The following NTAQ1 variants were observed in gnomAD, a reference collection of about 807,000 sequenced individuals.
NTAQ1 encodes the protein N-terminal glutamine amidase 1.
Under a neutral mutation model 28.2 loss-of-function variants are expected in NTAQ1, and 21 were observed. The ratio of observed to expected loss-of-function variants is 0.74; its 90% confidence interval spans 0.53 to 1.07. The LOEUF (loss-of-function observed/expected upper bound fraction) is 1.07, where lower values mean the gene tolerates loss of function less well. Among genes scored for constraint, NTAQ1 ranks in the 50% least tolerant of loss-of-function variants. The pLI is 0.00. For missense variants in NTAQ1, 264 were observed against 256.6 expected (o/e 1.03, Z -0.20); for synonymous variants, 105 against 90.0 (o/e 1.17, Z -0.94).
chr8:123,460,477 C>T (rs1374775400), intron 6 of NTAQ1, among the ~76,000 whole-genome samples: 1 of 152,138 alleles, frequency 6.6e-6, no homozygotes, highest in African/African-American at 2.4e-5. Flanking sequence ...GCTTCTTGTG[C>T]TGGTCTTGGG....
At chr8:123,425,030 T>C (rs1301572894) in intron 1 of NTAQ1, among the ~76,000 whole-genome samples, 1 of 152,160 alleles carries the variant, frequency 6.6e-6, no homozygotes, top group Non-Finnish European at 1.5e-5. Flanking sequence ...TTAGAACATT[T>C]AGATTAAGGA....
At chr8:123,443,621 C>T (rs1194811785), downstream of NTAQ1, among the ~76,000 whole-genome samples, 2 of 152,202 alleles carry the variant, frequency 1.3e-5, no homozygotes, top group Non-Finnish European at 2.9e-5. Context: ...GTCACCGAGG[C>T]TGGAGAGCAC....
chr8:123,435,400 TG>T (rs1197023054), intron 3 of NTAQ1: 11 of 894,144 alleles, frequency 1.2e-5, no homozygotes, highest in Non-Finnish European at 1.5e-5. Context: ...ATTGCAAAAG[TG>T]GTTCCAAACT....
intron 6 of NTAQ1, among the ~76,000 whole-genome samples, chr8:123,459,582 A>G (rs1026420175): frequency 4.6e-5 from 7 of 152,088 alleles, no homozygotes; most frequent in South Asian, 2.1e-4. Context: ...AGAAAAAAAG[A>G]TGTTCCTCAG....
Position 123,436,515 on chromosome 8 carries a change from T to TA in NTAQ1, c.298dup (p.Thr100AsnfsTer10). On this transcript the variant is annotated frameshift_variant, in exon 4 of 6. Transcript: ENST00000287387. LOFTEE classifies it high-confidence loss of function. ...GACAGAACTTCATTTATGATCTCGA[T>TA]ACTGTCTTGCCATTTCCCTGCCTCT... is the stretch of plus-strand genomic sequence containing the variant. 1 of 1,614,058 alleles carries TA rather than the reference T, an allele frequency of 6.2e-7. No homozygotes were observed. Among genetic ancestry groups the TA allele is most frequent in the South Asian group, 1.1e-5 (1 of 91,080 alleles).
At chr8:123,455,803 T>A (rs1815634033) in intron 6 of NTAQ1, among the ~76,000 whole-genome samples, 1 of 152,162 alleles carries the variant, frequency 6.6e-6, no homozygotes, top group African/African-American at 2.4e-5. Flanking sequence ...GGACCATGTA[T>A]CATGAAATAT....
chr8:123,472,109 T>TTTTA (rs1816047970), downstream of NTAQ1, among the ~76,000 whole-genome samples: 1 of 152,122 alleles, frequency 6.6e-6, no homozygotes, highest in South Asian at 2.1e-4. Flanking sequence ...TTTTCCAGGA[T>TTTTA]TTTAGGGTTG....
intron 6 of NTAQ1, among the ~76,000 whole-genome samples, chr8:123,453,863 A>G (rs1179169367): frequency 6.6e-6 from 1 of 152,238 alleles, no homozygotes; most frequent in Non-Finnish European, 1.5e-5. Context: ...ATAGAAAGCC[A>G]CATAGCTAGT....
At chr8:123,422,482 G>T (rs1033018895) in intron 1 of NTAQ1, among the ~76,000 whole-genome samples, 1 of 151,988 alleles carries the variant, frequency 6.6e-6, no homozygotes, top group East Asian at 1.9e-4. Context: ...TCTCTATGTT[G>T]CCCAGGCTCA....
chr8:123,460,281 T>C (rs934770383), intron 6 of NTAQ1, among the ~76,000 whole-genome samples: 4 of 152,222 alleles, frequency 2.6e-5, no homozygotes, highest in African/African-American at 4.8e-5. Context: ...AATAACCTTA[T>C]GAAGTAGGAA....
At position 123,458,175 on chromosome 8, in the gene NTAQ1, A is replaced by G. The variant is rs533965624; in HGVS notation, c.373-8904A>G. Reference sequence around the variant, plus strand: ...GGTCTGGAACTCCTGGACTCAAGCAATCCTCCCACCTTGGCCTCCCAAAGT... The same window carrying G: ...GGTCTGGAACTCCTGGACTCAAGCAGTCCTCCCACCTTGGCCTCCCAAAGT... On this transcript the variant is annotated intron_variant, in intron 6 of 6. Transcript: ENST00000650311. Among the ~76,000 whole-genome samples the G allele has an allele frequency of 9.6e-4, 139 of 144,868 alleles. 1 individual carries two copies. Among genetic ancestry groups the G allele is most frequent in the Non-Finnish European group, 1.9e-3 (129 of 67,038 alleles).
In NTAQ1 at chr8:123,424,836, A is replaced by G. The variant is rs527795875; in HGVS notation, c.84-3088A>G. ...CTGCATGCATCTTTTATGGCCTTCT[A>G]TGATGCTTGCCAGTTATGGATTTGT... On this transcript the variant is annotated intron_variant, in intron 1 of 5. Transcript: ENST00000287387. Among the ~76,000 whole-genome samples the G allele has an allele frequency of 4.4e-4, 67 of 152,242 alleles. No individual in the cohort carries two copies. The South Asian group carries it at 0.012, about 27-fold the overall frequency.
At chr8:123,419,749 T>TCTCTCCCTCCCC (rs1813555793) in intron 1 of NTAQ1, among the ~76,000 whole-genome samples, 3 of 27,164 alleles carry the variant, frequency 1.1e-4, no homozygotes, top group African/African-American at 2.6e-4. Context: ...CCTCCCTCCC[T>TCTCTCCCTCCCC]CCCTCCCTTC....
intron 6 of NTAQ1, among the ~76,000 whole-genome samples, chr8:123,461,234 T>A (rs1815814797): frequency 6.6e-6 from 1 of 152,068 alleles, no homozygotes; most frequent in Non-Finnish European, 1.5e-5. Context: ...CGCTGCACCA[T>A]CTCCCAGGGT....
chr8:123,445,617 G>A (rs4006522), downstream of NTAQ1, among the ~76,000 whole-genome samples: 55,016 of 151,772 alleles, frequency 0.36, 10,070 homozygotes, highest in East Asian at 0.56. Context: ...TAAGTTTTTT[G>A]TTTTTTGAGA....
intron 3 of NTAQ1, among the ~76,000 whole-genome samples, chr8:123,432,258 A>G (rs1385740171): frequency 6.6e-6 from 1 of 152,228 alleles, no homozygotes; most frequent in African/African-American, 2.4e-5. Flanking sequence ...CAGACTACAT[A>G]TTGCCAAAGT....
chr8:123,446,536 T>TGTTTCTGTACA (rs59187173), downstream of NTAQ1, among the ~76,000 whole-genome samples: 1 of 151,900 alleles, frequency 6.6e-6, no homozygotes, highest in South Asian at 2.1e-4. Flanking sequence ...CTCCTCCCTC[T>TGTTTCTGTACA]GGAGAGCTTT....
intron 1 of NTAQ1, among the ~76,000 whole-genome samples, chr8:123,418,748 T>C (rs1204347605): frequency 1.3e-5 from 2 of 152,052 alleles, no homozygotes; most frequent in Non-Finnish European, 2.9e-5. Context: ...AGTATTGGAG[T>C]TAGAGCAGTC....
chr8:123,447,086 C>T (rs577840853), downstream of NTAQ1, among the ~76,000 whole-genome samples: 1 of 152,128 alleles, frequency 6.6e-6, no homozygotes, highest in African/African-American at 2.4e-5. Context: ...TCAGAAACCT[C>T]ATTCTAAGTT....
Sources: gnomAD v4.1 joint callset for allele counts (sites outside exome capture counted in the v4.1 genomes callset) on GRCh38, gnomAD v4.1.1 for gene constraint, MANE v1.5 for transcripts, NCBI Gene and HGNC (gene_info 2026-07-23, HGNC 2026-07-21) for gene names.